The following CTNNA2 variants were observed in gnomAD, a reference collection of about 807,000 sequenced individuals.
CTNNA2 encodes catenin alpha 2, also known as catenin alpha-2.
Under a neutral mutation model 101.0 loss-of-function variants are expected in CTNNA2, and 42 were observed. The ratio of observed to expected loss-of-function variants is 0.42; its 90% CI spans 0.32 to 0.54. The LOEUF is 0.54. Ranked by LOEUF, CTNNA2 falls within the 20% of genes least tolerant of loss-of-function variation. The probability of loss-of-function intolerance (pLI) is 0.14; values close to 1 mark genes in which losing one functional copy is unlikely to be tolerated. For missense variants in CTNNA2, 871 were observed against 1,223.1 expected, an observed-to-expected ratio of 0.71 and a Z score of 4.29; for synonymous variants, 450 against 456.4, an observed-to-expected ratio of 0.99 and a Z score of 0.18.
chr2:79,787,768 C>T (rs879396332), intron 3 of CTNNA2, among the ~76,000 whole-genome samples: 1 of 151,984 alleles, frequency 6.6e-6, no homozygotes, highest in Non-Finnish European at 1.5e-5. Flanking sequence ...TGTCACATCT[C>T]CTTTTATCTA....
intron 2 of CTNNA2, among the ~76,000 whole-genome samples, chr2:79,227,287 G>A (rs1033165875): frequency 1.3e-5 from 2 of 152,066 alleles, no homozygotes; most frequent in African/African-American, 4.8e-5. Context: ...TGAACCCAGG[G>A]GTAGGACTAG....
At chr2:79,187,799 G>C (rs1389063949) in intron 1 of CTNNA2, among the ~76,000 whole-genome samples, 2 of 152,136 alleles carry the variant, frequency 1.3e-5, no homozygotes, top group East Asian at 3.9e-4. Flanking sequence ...TTTGTGACTG[G>C]TTAGTGGTTC....
chr2:79,396,497 C>T (rs564080284), intron 4 of CTNNA2, among the ~76,000 whole-genome samples: 1 of 152,170 alleles, frequency 6.6e-6, no homozygotes, highest in East Asian at 1.9e-4. Context: ...TTCATTTGAG[C>T]TTCATTTCTT....
chr2:79,665,242 A>C (rs1382305346), intron 2 of CTNNA2, among the ~76,000 whole-genome samples: 2 of 152,050 alleles, frequency 1.3e-5, no homozygotes, highest in African/African-American at 2.4e-5. Context: ...TGATTTTTTG[A>C]CACCCACACA....
At chr2:80,550,927 C>G (rs1463871876) in intron 11 of CTNNA2, among the ~76,000 whole-genome samples, 1 of 152,178 alleles carries the variant, frequency 6.6e-6, no homozygotes, top group African/African-American at 2.4e-5. Flanking sequence ...TTCCAGAAGG[C>G]CTTTAATTTA....
chr2:80,014,754 C>T (rs558568273), intron 7 of CTNNA2, among the ~76,000 whole-genome samples: 96 of 152,288 alleles, frequency 6.3e-4, no homozygotes, highest in Non-Finnish European at 1.2e-3. Context: ...AAGAAATTTG[C>T]AGACTTTATC....
rs1693393440 is a variant in CTNNA2, at chr2:80,559,878, T to TATCTATCTATCTATCTATCTATC, written c.1741+3985_1741+3986insATCTATCTATCTATCTATCTATC. 7.5e-4 allele frequency among the ~76,000 whole-genome samples: 86 copies of TATCTATCTATCTATCTATCTATC among 114,012 alleles called. 1 individual carries two copies. The highest frequency in any genetic ancestry group is 2.4e-3 in the African/African-American group (80 of 33,126). 74.8% of individuals were successfully genotyped at this position (114,012 alleles called of 152,430 possible). A position where few individuals can be genotyped will look rare whatever the true frequency, so the allele number is the denominator to read the frequency against. ...GAAAGCACATTCAGCGATATCATAT[T>TATCTATCTATCTATCTATCTATC]TATATATATATATACACACACATAC... On this transcript the variant is annotated intron_variant, in intron 12 of 18. Transcript: ENST00000402739.
chr2:80,487,864 A>G (rs1490022379), intron 9 of CTNNA2, among the ~76,000 whole-genome samples: 1 of 152,210 alleles, frequency 6.6e-6, no homozygotes, highest in Admixed American at 6.5e-5. Flanking sequence ...GGTTCCCTGT[A>G]TAACAGACAC....
intron 9 of CTNNA2, among the ~76,000 whole-genome samples, chr2:80,420,159 A>G (rs1680406641): frequency 6.6e-6 from 1 of 151,434 alleles, no homozygotes; most frequent in South Asian, 2.1e-4. Context: ...TATGTGTTAG[A>G]GGAATCTGTG....
chr2:80,243,709 A>G (rs1671117731), intron 7 of CTNNA2, among the ~76,000 whole-genome samples: 1 of 151,646 alleles, frequency 6.6e-6, no homozygotes, highest in Non-Finnish European at 1.5e-5. Context: ...ACTATAACAA[A>G]TAAAGTTGCT....
At chr2:79,820,335 G>C (rs955388147) in intron 3 of CTNNA2, among the ~76,000 whole-genome samples, 1 of 152,008 alleles carries the variant, frequency 6.6e-6, no homozygotes, top group South Asian at 2.1e-4. Flanking sequence ...TAGCACCTGT[G>C]GAAGTTTTAT....
chr2:79,373,370 C>T (rs958156280), intron 3 of CTNNA2, among the ~76,000 whole-genome samples: 3 of 152,168 alleles, frequency 2.0e-5, no homozygotes, highest in African/African-American at 7.2e-5. Flanking sequence ...GAACCTTATA[C>T]TCCCTGATAA....
At chr2:79,252,525 T>A (rs1055939076) in intron 2 of CTNNA2, among the ~76,000 whole-genome samples, 1 of 152,186 alleles carries the variant, frequency 6.6e-6, no homozygotes, top group African/African-American at 2.4e-5. Flanking sequence ...GATTTAGGTA[T>A]AACTTGATTT....
chr2:79,821,522 T>C (rs1678005283), intron 3 of CTNNA2, among the ~76,000 whole-genome samples: 2 of 152,204 alleles, frequency 1.3e-5, no homozygotes, highest in African/African-American at 2.4e-5. Flanking sequence ...TGTTTTTAGA[T>C]GCTAAACGCA....
intron 3 of CTNNA2, among the ~76,000 whole-genome samples, chr2:79,772,119 C>A (rs1359064797): frequency 6.6e-6 from 1 of 151,734 alleles, no homozygotes. Context: ...TTCCTCTTAC[C>A]TTTTGTCCAT....
At chr2:79,929,328 A>G (rs1016795674) in intron 7 of CTNNA2, among the ~76,000 whole-genome samples, 2 of 152,204 alleles carry the variant, frequency 1.3e-5, no homozygotes, top group African/African-American at 4.8e-5. Context: ...GTGAGAGGAG[A>G]ATAACTGCCT....
chr2:79,724,679 G>T (rs1482601145), intron 2 of CTNNA2, among the ~76,000 whole-genome samples: 1 of 151,902 alleles, frequency 6.6e-6, no homozygotes, highest in Non-Finnish European at 1.5e-5. Context: ...GCTGGGTGTG[G>T]TCGTGGGCGC....
chr2:80,005,766 T>C (rs1424943556), intron 7 of CTNNA2, among the ~76,000 whole-genome samples: 1 of 98,506 alleles, frequency 1.0e-5, no homozygotes, highest in East Asian at 3.8e-4. Context: ...TATCACTATG[T>C]TTATTTGTTT....
Position 80,212,951 on chromosome 2 carries a change from T to C in CTNNA2, c.1057-180260T>C, listed in dbSNP as rs1434206898. On this transcript the variant is annotated intron_variant, in intron 7 of 18. Coordinates refer to ENST00000402739, the MANE Select transcript of CTNNA2 (RefSeq NM_001282597.3). ...CCTGGTTTAGTCATGGGAGGGTGTA[T>C]GTGTCGAGGAATTTATCCATTTCTT... 9.2e-5 allele frequency among the ~76,000 whole-genome samples: 14 copies of C among 152,170 alleles called. 1 individual carries two copies. The highest frequency in any genetic ancestry group is 9.2e-4 in the Admixed American group (14 of 15,276).
Sources: allele counts gnomAD v4.1 joint callset (sites outside exome capture counted in the v4.1 genomes callset), GRCh38; gene constraint gnomAD v4.1.1; transcripts MANE v1.5; gene names NCBI Gene and HGNC (gene_info 2026-07-23, HGNC 2026-07-21).